FAT3: variants seen among roughly 807,000 people sequenced by gnomAD.
FAT3 encodes the protein protocadherin Fat 3.
FAT3 carries 95 observed loss-of-function variants against 310.2 expected under a neutral mutation model. That is an observed-to-expected ratio of 0.31 (90% CI 0.26 to 0.36). The LOEUF is 0.36. Among genes scored for constraint, FAT3 ranks in the 10% least tolerant of loss-of-function variants. The pLI, the probability that FAT3 is intolerant of heterozygous loss-of-function variation, is 1.00. For synonymous variants in FAT3, 2,314 were observed against 2,192.9 expected (o/e 1.06, Z -1.54); for missense variants, 5,408 against 5,715.6 (o/e 0.95, Z 1.74).
intron 21 of FAT3, 121 bp from the exon 22 acceptor site, chr11:92,866,620 C>CA (rs1227839394): frequency 1.2e-6 from 1 of 856,738 alleles, no homozygotes; most frequent in African/African-American, 1.7e-5. Flanking sequence ...ATGAGTAGAG[C>CA]AAAAGTCATG....
At chr11:92,757,806 A>C (rs2450944) in intron 4 of FAT3, among the ~76,000 whole-genome samples, 62,907 of 152,080 alleles carry the variant, frequency 0.41, 14,905 homozygotes, top group South Asian at 0.64. Flanking sequence ...AGTAGCTCAC[A>C]GTGCACTGAA....
At chr11:92,652,846 A>C (rs1460169402) in intron 3 of FAT3, among the ~76,000 whole-genome samples, 1 of 152,114 alleles carries the variant, frequency 6.6e-6, no homozygotes, top group Non-Finnish European at 1.5e-5. Flanking sequence ...TCTGTCCTGC[A>C]TTTGGGCTCA....
chr11:92,263,849 C>T (rs1382618364), intron 1 of FAT3, among the ~76,000 whole-genome samples: 1 of 151,970 alleles, frequency 6.6e-6, no homozygotes, highest in East Asian at 1.9e-4. Context: ...CTAGAAGCCC[C>T]AAGAGCAGGG....
intron 2 of FAT3, among the ~76,000 whole-genome samples, chr11:92,470,881 C>T (rs1951886680): frequency 6.6e-6 from 1 of 152,148 alleles, no homozygotes; most frequent in African/African-American, 2.4e-5. Flanking sequence ...TCATATCCTT[C>T]ATAGAAATTT....
chr11:92,486,081 A>G (rs1356689545), intron 2 of FAT3, among the ~76,000 whole-genome samples: 1 of 140,742 alleles, frequency 7.1e-6, no homozygotes, highest in Non-Finnish European at 1.5e-5. Flanking sequence ...AATAATTTCC[A>G]TGAATTCCTC....
intron 1 of FAT3, among the ~76,000 whole-genome samples, chr11:92,342,710 G>T (rs893248726): frequency 6.6e-6 from 1 of 152,042 alleles, no homozygotes; most frequent in African/African-American, 2.4e-5. Flanking sequence ...TACTAGAAAA[G>T]GTTTTCTTTT....
At chr11:92,301,363 T>A (rs1197484160) in intron 1 of FAT3, among the ~76,000 whole-genome samples, 1 of 152,138 alleles carries the variant, frequency 6.6e-6, no homozygotes, top group Non-Finnish European at 1.5e-5. Context: ...CTTCCACCAC[T>A]TGAGTGCAGA....
At chr11:92,887,602 G>T (rs568192151) in intron 25 of FAT3, among the ~76,000 whole-genome samples, 1 of 152,248 alleles carries the variant, frequency 6.6e-6, no homozygotes, top group South Asian at 2.1e-4. Flanking sequence ...GGCTGTTGGA[G>T]AATTTATTAA....
At chr11:92,752,096 C>T (rs1945845082) in intron 4 of FAT3, among the ~76,000 whole-genome samples, 1 of 152,184 alleles carries the variant, frequency 6.6e-6, no homozygotes, top group African/African-American at 2.4e-5. Context: ...GTTAAGGGCA[C>T]TTAACAGACT....
chr11:92,866,693 T>C (rs1299261537), intron 21 of FAT3, 48 bp from the exon 22 acceptor site: 1 of 1,539,078 alleles, frequency 6.5e-7, no homozygotes, highest in Admixed American at 1.8e-5. Flanking sequence ...AGGGAACATA[T>C]TCCCAGTTGC....
chr11:92,290,152 C>T (rs184263652), intron 1 of FAT3, among the ~76,000 whole-genome samples: 57 of 152,214 alleles, frequency 3.7e-4, no homozygotes, highest in African/African-American at 1.3e-3. Context: ...GTCCCTTTCT[C>T]AATGGGGCCT....
intron 6 of FAT3, among the ~76,000 whole-genome samples, chr11:92,765,981 A>G (rs1307427262): frequency 6.6e-6 from 1 of 152,000 alleles, no homozygotes; most frequent in Non-Finnish European, 1.5e-5. Context: ...CCATCAGGAG[A>G]GTCCCCTGGC....
At chr11:92,586,167 A>G (rs1335370585) in intron 3 of FAT3, among the ~76,000 whole-genome samples, 1 of 152,146 alleles carries the variant, frequency 6.6e-6, no homozygotes, top group Non-Finnish European at 1.5e-5. Flanking sequence ...GTACTGGTAT[A>G]TTCTCAAAGT....
rs765324804 is a variant in FAT3, at chr11:92,882,946, G to T, written c.12490G>T (p.Val4164Phe). The T allele has an allele frequency of 1.2e-6, 2 of 1,613,510 alleles. No individual in the cohort carries two copies. Among genetic ancestry groups the T allele is most frequent in the East Asian group, 4.5e-5 (2 of 44,852 alleles). ...ELIGIAVVLF[V>F]IFILVVLFIV... ...CATCGGCATCGCCGTGGTCCTCTTC[G>T]TCATCTTCATCCTGGTGGTTCTCTT... is the stretch of plus-strand genomic sequence containing the variant. Residue 4164 changes from valine (V) to phenylalanine (F), a missense_variant, in exon 24 of 28, where the codon GTC (valine) becomes TTC (phenylalanine). Val to Phe is a conservative substitution (Grantham distance 50, BLOSUM62 -1). Around this residue, in one of 5 missense-constraint regions of FAT3, gnomAD observed 649 missense variants for 666.2 expected, o/e 0.97. Transcript: ENST00000525166.
chr11:92,745,272 G>C (rs1410611368), intron 4 of FAT3, among the ~76,000 whole-genome samples: 1 of 152,172 alleles, frequency 6.6e-6, no homozygotes, highest in African/African-American at 2.4e-5. Context: ...TTGATGTCAG[G>C]GGAGTTGTGA....
At chr11:92,324,259 A>G (rs1021530473) in intron 1 of FAT3, among the ~76,000 whole-genome samples, 1 of 152,236 alleles carries the variant, frequency 6.6e-6, no homozygotes, top group Admixed American at 6.5e-5. Flanking sequence ...CAACTTGGCT[A>G]ATTGATGCAA....
chr11:92,744,619 A>T (rs1374881717), intron 4 of FAT3, among the ~76,000 whole-genome samples: 2 of 152,214 alleles, frequency 1.3e-5, no homozygotes, highest in African/African-American at 4.8e-5. Context: ...CACAACCGTG[A>T]TGATGAATGA....
At chr11:92,364,358 G>C (rs12146605) in intron 2 of FAT3, among the ~76,000 whole-genome samples, 11,756 of 152,084 alleles carry the variant, frequency 0.077, 654 homozygotes, top group African/African-American at 0.15. Context: ...CCAAAACTAC[G>C]AGATGATTGC....
At chr11:92,235,332 G>T (rs1864373958) in intron 1 of FAT3, among the ~76,000 whole-genome samples, 1 of 152,064 alleles carries the variant, frequency 6.6e-6, no homozygotes, top group Non-Finnish European at 1.5e-5. Flanking sequence ...CCGTCCTGAA[G>T]GTATTGCTTA....
Sources: allele counts gnomAD v4.1 joint callset (sites outside exome capture counted in the v4.1 genomes callset), GRCh38; gene constraint gnomAD v4.1.1; regional missense constraint gnomAD v4.1.1; transcripts MANE v1.5; gene names NCBI Gene and HGNC (gene_info 2026-07-23, HGNC 2026-07-21).